Variants in CTNNA3 observed in about 807,000 individuals in gnomAD.
CTNNA3 encodes the protein catenin alpha-3.
CTNNA3 carries 76 observed loss-of-function variants against 95.7 expected under a neutral mutation model. The ratio of observed to expected loss-of-function variants is 0.79; its 90% CI spans 0.66 to 0.96. CTNNA3 has a LOEUF of 0.96. Among genes scored for constraint, CTNNA3 ranks in the 40% least tolerant of loss-of-function variants. CTNNA3 has a pLI of 0.00. For missense variants in CTNNA3, 1,191 were observed against 1,089.8 expected (o/e 1.09, Z -1.31); for synonymous variants, 431 against 374.4 (o/e 1.15, Z -1.74).
chr10:67,087,616 C>T (rs1208375516), intron 7 of CTNNA3, among the ~76,000 whole-genome samples: 3 of 151,858 alleles, frequency 2.0e-5, no homozygotes, highest in Non-Finnish European at 4.4e-5. Flanking sequence ...AAGTGGATCT[C>T]AAACATCATA....
chr10:65,992,472 G>C (rs147486442), intron 15 of CTNNA3, among the ~76,000 whole-genome samples: 1 of 149,262 alleles, frequency 6.7e-6, no homozygotes, highest in East Asian at 2.0e-4. Flanking sequence ...CTTGATCTTC[G>C]TAGGTTTTGT....
At chr10:67,262,821 C>T (rs1866672887) in intron 5 of CTNNA3, among the ~76,000 whole-genome samples, 1 of 151,908 alleles carries the variant, frequency 6.6e-6, no homozygotes, top group Non-Finnish European at 1.5e-5. Flanking sequence ...AATGAGAATG[C>T]AAAATAACAC....
intron 10 of CTNNA3, among the ~76,000 whole-genome samples, 163 bp from the exon 11 acceptor site, chr10:66,520,936 CAATAA>C (rs1231282686): frequency 6.7e-6 from 1 of 150,116 alleles, no homozygotes; most frequent in Non-Finnish European, 1.5e-5. Context: ...AATATTAAAA[CAATAA>C]AATAAAATTA....
intron 13 of CTNNA3, among the ~76,000 whole-genome samples, chr10:66,135,705 T>A (rs549089408): frequency 6.6e-6 from 1 of 152,278 alleles, no homozygotes; most frequent in South Asian, 2.1e-4. Context: ...AAAGAAAAAG[T>A]GTTTCTTCAC....
At chr10:67,340,218 A>G (rs969593719) in intron 5 of CTNNA3, among the ~76,000 whole-genome samples, 28 of 152,202 alleles carry the variant, frequency 1.8e-4, no homozygotes, top group African/African-American at 6.5e-4. Context: ...TGCTTATTGT[A>G]TTTTTAAAAG....
At chr10:67,586,070 C>A (rs1842614133) in intron 3 of CTNNA3, among the ~76,000 whole-genome samples, 2 of 152,148 alleles carry the variant, frequency 1.3e-5, no homozygotes, top group East Asian at 3.9e-4. Context: ...ATAATAATTT[C>A]TTCATTGACC....
Position 67,732,908 on chromosome 10 carries a change from AC to A in CTNNA3, c.-2+30525del, listed in dbSNP as rs1423844038. ...CACGCACACACACACACACACACAC[AC>A]ACATTCTCTCTCTCAAGACTCCGTT... On this transcript the variant is annotated intron_variant, in intron 1 of 17. Coordinates refer to the CTNNA3 transcript ENST00000684154. Among the ~76,000 whole-genome samples the A allele has an allele frequency of 3.1e-3, 381 of 124,462 alleles. 2 individuals carry two copies. The highest frequency in any genetic ancestry group is 0.016 in the African/African-American group (356 of 21,866). 81.7% of individuals were successfully genotyped at this position (124,462 alleles called of 152,430 possible).
At chr10:66,644,785 T>G (rs1232058938) in intron 9 of CTNNA3, among the ~76,000 whole-genome samples, 1 of 152,044 alleles carries the variant, frequency 6.6e-6, no homozygotes, top group Non-Finnish European at 1.5e-5. Flanking sequence ...AATAAGTCTA[T>G]ACAATTTTGT....
At chr10:66,308,786 A>C (rs2091965376) in intron 12 of CTNNA3, among the ~76,000 whole-genome samples, 1 of 152,144 alleles carries the variant, frequency 6.6e-6, no homozygotes, top group South Asian at 2.1e-4. Context: ...TTATATTATA[A>C]ACATCTATAA....
intron 6 of CTNNA3, among the ~76,000 whole-genome samples, chr10:67,201,396 G>C (rs1337742584): frequency 6.6e-6 from 1 of 152,040 alleles, no homozygotes; most frequent in Non-Finnish European, 1.5e-5. Context: ...CCAATTGATT[G>C]GCTTATAGTA....
chr10:67,511,190 T>G (rs909268809), intron 5 of CTNNA3, among the ~76,000 whole-genome samples: 2 of 152,228 alleles, frequency 1.3e-5, no homozygotes, highest in Non-Finnish European at 2.9e-5. Flanking sequence ...TACTTCTTTC[T>G]CTTGCCTGAT....
chr10:65,926,934 T>C (rs1202922213), intron 17 of CTNNA3, among the ~76,000 whole-genome samples: 2 of 152,200 alleles, frequency 1.3e-5, no homozygotes, highest in African/African-American at 4.8e-5. Context: ...CATACAGACA[T>C]TGTTCAATTC....
intron 9 of CTNNA3, among the ~76,000 whole-genome samples, chr10:66,746,433 TC>T (rs977292913): frequency 3.3e-5 from 5 of 152,180 alleles, no homozygotes; most frequent in African/African-American, 1.2e-4. Flanking sequence ...GCAAATAATA[TC>T]TAACTGAGAT....
chr10:67,517,462 C>T (rs915232429), intron 5 of CTNNA3, among the ~76,000 whole-genome samples: 2 of 151,110 alleles, frequency 1.3e-5, no homozygotes, highest in African/African-American at 4.9e-5. Flanking sequence ...TATTATGTAC[C>T]CTTCTGGCTT....
chr10:66,742,082 G>A (rs113861322), intron 9 of CTNNA3, among the ~76,000 whole-genome samples: 17 of 152,284 alleles, frequency 1.1e-4, no homozygotes, highest in African/African-American at 3.1e-4. Context: ...TGAGCCAGGC[G>A]GAACAGAGGC....
At chr10:66,000,208 T>G (rs1231793357) in intron 15 of CTNNA3, among the ~76,000 whole-genome samples, 3 of 152,112 alleles carry the variant, frequency 2.0e-5, no homozygotes, top group Non-Finnish European at 4.4e-5. Context: ...CTTTGAAAAT[T>G]TATTGGCTTG....
chr10:67,095,694 T>A (rs893250482), intron 7 of CTNNA3, among the ~76,000 whole-genome samples: 2 of 151,800 alleles, frequency 1.3e-5, no homozygotes, highest in Non-Finnish European at 2.9e-5. Context: ...ATATGAGGCA[T>A]AAGTTTCCAT....
intron 1 of CTNNA3, among the ~76,000 whole-genome samples, chr10:67,732,652 G>A (rs1418198773): frequency 6.6e-6 from 1 of 152,046 alleles, no homozygotes; most frequent in African/African-American, 2.4e-5. Flanking sequence ...ACACAAAAAT[G>A]GGCAGCAGTT....
chr10:66,297,295 G>A (rs2091795076), intron 12 of CTNNA3, among the ~76,000 whole-genome samples: 2 of 151,912 alleles, frequency 1.3e-5, no homozygotes, highest in Admixed American at 6.6e-5. Context: ...CCACCCCCTG[G>A]TTCCATCCTT....
Sources: allele counts gnomAD v4.1 joint callset (sites outside exome capture counted in the v4.1 genomes callset), GRCh38; gene constraint gnomAD v4.1.1; transcripts MANE v1.5; gene names NCBI Gene and HGNC (gene_info 2026-07-23, HGNC 2026-07-21).